SORCS1: variants seen among roughly 807,000 people sequenced by gnomAD.
SORCS1 encodes VPS10 domain-containing receptor SorCS1.
SORCS1 carries 60 observed loss-of-function variants against 146.1 expected under a neutral mutation model. That is an observed-to-expected ratio of 0.41 (90% CI 0.33 to 0.51). The LOEUF (loss-of-function observed/expected upper bound fraction) is 0.51. Among genes scored for constraint, SORCS1 ranks in the 20% least tolerant of loss-of-function variants. SORCS1 has a pLI of 0.21. For synonymous variants in SORCS1, 637 were observed against 584.0 expected (o/e 1.09, Z -1.31); for missense variants, 1,352 against 1,487.6 (o/e 0.91, Z 1.50).
intron 1 of SORCS1, among the ~76,000 whole-genome samples, chr10:107,132,857 A>T (rs1305878267): frequency 1.3e-5 from 2 of 149,650 alleles, no homozygotes; most frequent in East Asian, 3.9e-4. Context: ...TATTTCAAAA[A>T]TAAAAAAAAA....
intron 2 of SORCS1, among the ~76,000 whole-genome samples, chr10:106,922,122 A>G (rs562173950): frequency 6.6e-6 from 1 of 152,370 alleles, no homozygotes; most frequent in African/African-American, 2.4e-5. Flanking sequence ...TGGTGAACAA[A>G]GCTTACATTA....
intron 18 of SORCS1, among the ~76,000 whole-genome samples, chr10:106,648,622 T>A (rs1206211918): frequency 6.6e-6 from 1 of 152,200 alleles, no homozygotes; most frequent in Non-Finnish European, 1.5e-5. Context: ...TGAAGAATTA[T>A]TTTTAGCATT....
chr10:106,943,577 G>A (rs949869723), intron 2 of SORCS1, among the ~76,000 whole-genome samples: 2 of 152,058 alleles, frequency 1.3e-5, no homozygotes, highest in Non-Finnish European at 2.9e-5. Flanking sequence ...GGAGGCCGAG[G>A]TGGCCGGATC....
intron 5 of SORCS1, among the ~76,000 whole-genome samples, chr10:106,734,512 C>T (rs568496389): frequency 2.0e-5 from 3 of 152,294 alleles, no homozygotes; most frequent in African/African-American, 7.2e-5. Flanking sequence ...CCTTTCTGTA[C>T]CTCTGTGCCA....
At chr10:106,644,740 T>A (rs1055867944) in intron 18 of SORCS1, among the ~76,000 whole-genome samples, 74 of 152,214 alleles carry the variant, frequency 4.9e-4, no homozygotes, top group African/African-American at 1.6e-3. Flanking sequence ...TTCTTTTTAG[T>A]CTGACTTCTT....
intron 2 of SORCS1, among the ~76,000 whole-genome samples, chr10:106,896,450 A>C (rs1951481852): frequency 6.6e-6 from 1 of 151,360 alleles, no homozygotes; most frequent in Admixed American, 6.6e-5. Context: ...AAAAAAAAGA[A>C]ATGAAAAGTA....
At chr10:107,074,798 G>T (rs933639109) in intron 1 of SORCS1, among the ~76,000 whole-genome samples, 1 of 152,036 alleles carries the variant, frequency 6.6e-6, no homozygotes, top group Non-Finnish European at 1.5e-5. Context: ...AATGAAATAC[G>T]ATGTGCAGCA....
chr10:106,778,423 C>T (rs573989322), intron 3 of SORCS1, among the ~76,000 whole-genome samples: 28 of 152,120 alleles, frequency 1.8e-4, no homozygotes, highest in African/African-American at 6.3e-4. Context: ...TCACATTCAC[C>T]AAGCAGACGG....
chr10:106,792,425 A>G (rs574544235), intron 3 of SORCS1, among the ~76,000 whole-genome samples: 34 of 152,366 alleles, frequency 2.2e-4, no homozygotes, highest in African/African-American at 7.9e-4. Flanking sequence ...TTATACTCAC[A>G]TGACGTTTTT....
At chr10:106,985,816 T>A (rs900744712) in intron 1 of SORCS1, among the ~76,000 whole-genome samples, 5 of 150,530 alleles carry the variant, frequency 3.3e-5, no homozygotes, top group Non-Finnish European at 7.4e-5. Context: ...ATTACAGGTA[T>A]CAGCCACCGA....
intron 1 of SORCS1, among the ~76,000 whole-genome samples, chr10:107,007,821 C>A (rs1413428696): frequency 7.1e-6 from 1 of 140,474 alleles, no homozygotes; most frequent in Admixed American, 6.6e-5. Context: ...GGCTCAGGCC[C>A]AATTACGCTT....
intron 4 of SORCS1, among the ~76,000 whole-genome samples, chr10:106,767,282 C>T (rs996083688): frequency 7.2e-5 from 11 of 152,142 alleles, no homozygotes; most frequent in Admixed American, 5.9e-4. Flanking sequence ...CCAGCTGTCA[C>T]TGAAGTCTGT....
At chr10:107,003,429 A>AGTGTGTGTGTGTGTGT (rs59467041) in intron 1 of SORCS1, among the ~76,000 whole-genome samples, 3 of 140,436 alleles carry the variant, frequency 2.1e-5, no homozygotes. Flanking sequence ...AATTCCCATA[A>AGTGTGTGTGTGTGTGT]GTGTGTGTGT....
At chr10:107,115,650 A>C (rs1431990097) in intron 1 of SORCS1, among the ~76,000 whole-genome samples, 2 of 152,142 alleles carry the variant, frequency 1.3e-5, no homozygotes, top group Non-Finnish European at 2.9e-5. Context: ...AACTCATAGA[A>C]GAAAACATAG....
intron 1 of SORCS1, among the ~76,000 whole-genome samples, chr10:107,115,489 G>T (rs1362652150): frequency 6.6e-6 from 1 of 151,958 alleles, no homozygotes; most frequent in African/African-American, 2.4e-5. Flanking sequence ...AGAGTGCCAA[G>T]AATATACGGT....
intron 1 of SORCS1, among the ~76,000 whole-genome samples, chr10:107,108,241 G>A (rs895822390): frequency 4.6e-5 from 7 of 152,188 alleles, no homozygotes; most frequent in African/African-American, 1.4e-4. Context: ...GTACTGGGCT[G>A]TCCTTGCATT....
intron 2 of SORCS1, among the ~76,000 whole-genome samples, chr10:106,900,967 T>C (rs944829151): frequency 6.6e-6 from 1 of 152,180 alleles, no homozygotes; most frequent in Non-Finnish European, 1.5e-5. Context: ...TGTGTGTGTG[T>C]GCTTTTTTCC....
chr10:106,659,189 A>G (rs1193370652), intron 17 of SORCS1, among the ~76,000 whole-genome samples: 1 of 152,242 alleles, frequency 6.6e-6, no homozygotes, highest in African/African-American at 2.4e-5. Context: ...TCTTTGGACT[A>G]TTCCCCTCAA....
At chr10:106,970,949 C>T (rs1955756088) in intron 1 of SORCS1, among the ~76,000 whole-genome samples, 1 of 144,896 alleles carries the variant, frequency 6.9e-6, no homozygotes, top group Non-Finnish European at 1.5e-5. Flanking sequence ...GGGGTTTCAC[C>T]ATGTTGGCCA....
Sources: gnomAD v4.1 joint callset for allele counts (sites outside exome capture counted in the v4.1 genomes callset) on GRCh38, gnomAD v4.1.1 for gene constraint, MANE v1.5 for transcripts, NCBI Gene and HGNC (gene_info 2026-07-23, HGNC 2026-07-21) for gene names.